HS3ST3B1: variants seen among roughly 807,000 people sequenced by gnomAD.
The protein encoded by HS3ST3B1 is heparan sulfate glucosamine 3-O-sulfotransferase 3B1.
Under a neutral mutation model 21.3 loss-of-function variants are expected in HS3ST3B1, and 13 were observed. That is an observed-to-expected ratio of 0.61 (90% confidence interval 0.40 to 0.97). The LOEUF (loss-of-function observed/expected upper bound fraction) is 0.97. Among genes scored for constraint, HS3ST3B1 ranks in the 50% least tolerant of loss-of-function variants. The pLI, the probability that HS3ST3B1 is intolerant of heterozygous loss-of-function variation, is 0.00. For synonymous variants in HS3ST3B1, 234 were observed against 254.8 expected (o/e 0.92, Z 0.78); for missense variants, 459 against 554.8 (o/e 0.83, Z 1.73).
intron 1 of HS3ST3B1, among the ~76,000 whole-genome samples, chr17:14,317,124 G>C (rs1446738176): frequency 1.3e-5 from 2 of 152,200 alleles, no homozygotes; most frequent in Admixed American, 6.5e-5. Flanking sequence ...GCATGTACTC[G>C]ACTAGCTTTT....
At chr17:14,313,334 C>G (rs1402504633) in intron 1 of HS3ST3B1, among the ~76,000 whole-genome samples, 1 of 151,764 alleles carries the variant, frequency 6.6e-6, no homozygotes, top group African/African-American at 2.4e-5. Flanking sequence ...GAACTTGGCC[C>G]TTACTTACTC....
chr17:14,344,997 T>G, intron 1 of HS3ST3B1, 31 bp from the exon 2 acceptor site: 1 of 1,599,684 alleles, frequency 6.3e-7, no homozygotes, highest in South Asian at 1.1e-5. Flanking sequence ...CGTCACCTTC[T>G]GATCCCGGTT....
intron 1 of HS3ST3B1, among the ~76,000 whole-genome samples, chr17:14,309,158 G>C (rs2046587806): frequency 1.3e-5 from 2 of 152,234 alleles, no homozygotes; most frequent in Admixed American, 6.5e-5. Flanking sequence ...AAGGGTGGCC[G>C]GGGGCGCTAC....
At chr17:14,322,903 T>TA (rs1185691958) in intron 1 of HS3ST3B1, among the ~76,000 whole-genome samples, 1 of 145,826 alleles carries the variant, frequency 6.9e-6, no homozygotes, top group African/African-American at 2.5e-5. Context: ...TATGTCTTTT[T>TA]TTTTTTTTTT....
intron 1 of HS3ST3B1, among the ~76,000 whole-genome samples, chr17:14,308,342 G>A (rs961292751): frequency 1.3e-5 from 2 of 152,158 alleles, no homozygotes; most frequent in Non-Finnish European, 1.5e-5. Context: ...AAGTTTATTT[G>A]TACATAGATA....
intron 1 of HS3ST3B1, among the ~76,000 whole-genome samples, chr17:14,337,624 A>G (rs1261343495): frequency 6.6e-6 from 1 of 151,408 alleles, no homozygotes; most frequent in Non-Finnish European, 1.5e-5. Context: ...GGTGTGAGCC[A>G]TTGCACCTGA....
chr17:14,341,891 G>A lies in HS3ST3B1; in HGVS notation c.555-3137G>A, dbSNP rs188092420. On this transcript the variant is annotated intron_variant, in intron 1 of 1. Transcript: ENST00000360954. ...AAATGCAAAATAAGTTGCGAGCCGAGACTCTCTTTAATCCTCAATCACATT... is the reference window on the plus strand; with the variant it reads ...AAATGCAAAATAAGTTGCGAGCCGAAACTCTCTTTAATCCTCAATCACATT... Among the ~76,000 whole-genome samples, 147 of 152,296 alleles carry A rather than the reference G, an allele frequency of 9.7e-4. 2 individuals carry two copies. The highest frequency in any genetic ancestry group is 9.3e-3 in the South Asian group (45 of 4,826).
At chr17:14,344,754 G>T (rs1029631779) in intron 1 of HS3ST3B1, among the ~76,000 whole-genome samples, 1 of 152,170 alleles carries the variant, frequency 6.6e-6, no homozygotes, top group Non-Finnish European at 1.5e-5. Flanking sequence ...TAAGGGAAAG[G>T]TTATACCCAC....
At chr17:14,339,488 T>G (rs1050650093) in intron 1 of HS3ST3B1, among the ~76,000 whole-genome samples, 4 of 152,158 alleles carry the variant, frequency 2.6e-5, no homozygotes, top group African/African-American at 9.6e-5. Flanking sequence ...AGGATCATCA[T>G]GAATGGAAGA....
intron 1 of HS3ST3B1, among the ~76,000 whole-genome samples, chr17:14,314,702 GGT>G: frequency 6.6e-6 from 1 of 152,286 alleles, no homozygotes; most frequent in Middle Eastern, 3.4e-3. Flanking sequence ...GGCTGGACCT[GGT>G]GAGCCCCTGG....
chr17:14,310,312 A>G (rs1909266997), intron 1 of HS3ST3B1, among the ~76,000 whole-genome samples: 1 of 152,126 alleles, frequency 6.6e-6, no homozygotes, highest in Non-Finnish European at 1.5e-5. Context: ...TCCTGTGCAC[A>G]GAGCCCTGTA....
chr17:14,320,373 G>A (rs1474444423), intron 1 of HS3ST3B1, among the ~76,000 whole-genome samples: 1 of 152,096 alleles, frequency 6.6e-6, no homozygotes, highest in Admixed American at 6.6e-5. Context: ...AGAAGATCAT[G>A]GCAGAAGGAA....
rs71366152 is a variant in HS3ST3B1, at chr17:14,347,947, T to G, written c.*2301T>G. ...CCTGCATAAGGGTGCTAATTGGTTGTGTATTTTTTCATTTATTTGAAATCA... is the reference window on the plus strand; with the variant it reads ...CCTGCATAAGGGTGCTAATTGGTTGGGTATTTTTTCATTTATTTGAAATCA... On this transcript the variant is annotated 3_prime_UTR_variant, in exon 2 of 2. Coordinates refer to ENST00000360954, the MANE Select transcript of HS3ST3B1 (RefSeq NM_006041.3). 1 of 152,258 alleles carries G rather than the reference T, an allele frequency of 6.6e-6. No homozygotes were observed. The highest frequency in any genetic ancestry group is 1.9e-4 in the East Asian group (1 of 5,198). The allele number at this position is 152,258 out of a possible 1,614,324, so 9.4% of individuals were successfully genotyped here.
chr17:14,318,724 C>G (rs1346794697), intron 1 of HS3ST3B1, among the ~76,000 whole-genome samples: 1 of 152,174 alleles, frequency 6.6e-6, no homozygotes, highest in African/African-American at 2.4e-5. Flanking sequence ...TGGCTCCCTG[C>G]CCTGACTGTG....
chr17:14,323,360 C>T (rs766094270), intron 1 of HS3ST3B1, among the ~76,000 whole-genome samples: 6 of 152,106 alleles, frequency 3.9e-5, no homozygotes, highest in Admixed American at 1.3e-4. Flanking sequence ...AGCATTCTGT[C>T]GTAATATTTA....
chr17:14,307,253 C>T (rs1909164238), intron 1 of HS3ST3B1, among the ~76,000 whole-genome samples: 1 of 151,924 alleles, frequency 6.6e-6, no homozygotes, highest in Non-Finnish European at 1.5e-5. Context: ...GTTGGCTAAA[C>T]TAGATTATGT....
rs1019080360 is a variant in HS3ST3B1 at position 14,303,424 on chromosome 17, G to T, written c.554+1352G>T. On this transcript the variant is annotated intron_variant, in intron 1 of 1. Coordinates refer to ENST00000360954, the MANE Select transcript of HS3ST3B1 (RefSeq NM_006041.3). This position sits in a 1 kb window ranked among gnomAD's most constrained non-coding sequence, Gnocchi z 5.7. Reference sequence around the variant, plus strand: ...TACCCCTTCCCCTTTGTCCTTAATGGTTTTTTATTATTGTCAGGAGTTGCC... The same window carrying T: ...TACCCCTTCCCCTTTGTCCTTAATGTTTTTTTATTATTGTCAGGAGTTGCC... Among the ~76,000 whole-genome samples, 8 of 152,248 alleles carry T rather than the reference G, an allele frequency of 5.3e-5. No individual in the cohort carries two copies. Among genetic ancestry groups the T allele is most frequent in the African/African-American group, 1.9e-4 (8 of 41,544 alleles).
At chr17:14,308,865 A>G (rs1333466191) in intron 1 of HS3ST3B1, among the ~76,000 whole-genome samples, 2 of 152,156 alleles carry the variant, frequency 1.3e-5, no homozygotes, top group African/African-American at 2.4e-5. Context: ...TCTTTGCCCC[A>G]CACTGCTTAA....
chr17:14,324,407 G>A lies in HS3ST3B1; in HGVS notation c.555-20621G>A, dbSNP rs569875587. On this transcript the variant is annotated intron_variant, in intron 1 of 1. Transcript: ENST00000360954. ...TTTTCTTTCTATCTTCCTTTAAAACGTTTGTTTGTTTATTTATTTATTTTT... is the reference window on the plus strand; with the variant it reads ...TTTTCTTTCTATCTTCCTTTAAAACATTTGTTTGTTTATTTATTTATTTTT... Among the ~76,000 whole-genome samples, 129 of 151,994 alleles carry A rather than the reference G, an allele frequency of 8.5e-4. 2 individuals carry two copies. In the South Asian group the frequency reaches 0.011, roughly 12 times the overall value.
Sources: gnomAD v4.1 joint callset for allele counts (sites outside exome capture counted in the v4.1 genomes callset) on GRCh38, gnomAD v4.1.1 for gene constraint, Gnocchi (gnomAD v3.1) non-coding constraint, MANE v1.5 for transcripts, NCBI Gene and HGNC (gene_info 2026-07-23, HGNC 2026-07-21) for gene names.